Variants in MARCHF1 observed in about 807,000 individuals in gnomAD.
MARCHF1 encodes the protein membrane associated ring-CH-type finger 1.
MARCHF1 carries 40 observed loss-of-function variants against 54.2 expected under a neutral mutation model. The observed-to-expected ratio is 0.74, with a 90% confidence interval of 0.57 to 0.96. The LOEUF is 0.96. Ranked by LOEUF, MARCHF1 falls within the 40% of genes least tolerant of loss-of-function variation. MARCHF1 has a pLI of 0.00. For synonymous variants in MARCHF1, 236 were observed against 236.3 expected (o/e 1.00, Z 0.01); for missense variants, 586 against 656.5 (o/e 0.89, Z 1.17).
chr4:164,200,727 A>T (rs1214488925), intron 1 of MARCHF1, among the ~76,000 whole-genome samples: 1 of 152,354 alleles, frequency 6.6e-6, no homozygotes, highest in East Asian at 1.9e-4. Context: ...TATCCTAGTA[A>T]GAGTAAAGAA....
At chr4:163,669,806 C>T (rs938778630) in intron 5 of MARCHF1, among the ~76,000 whole-genome samples, 8 of 152,000 alleles carry the variant, frequency 5.3e-5, no homozygotes, top group African/African-American at 1.9e-4. Context: ...ACCATGTTAG[C>T]CAGGGTGATC....
chr4:163,787,383 A>T (rs1476754416), intron 4 of MARCHF1, among the ~76,000 whole-genome samples: 2 of 151,810 alleles, frequency 1.3e-5, no homozygotes, highest in Non-Finnish European at 2.9e-5. Context: ...TCAACAATAA[A>T]AAAAAAACCT....
At chr4:163,742,397 C>CCCTCCCTTCCTTCCTTCCTT (rs1312398916) in intron 4 of MARCHF1, among the ~76,000 whole-genome samples, 20 of 91,300 alleles carry the variant, frequency 2.2e-4, no homozygotes, top group African/African-American at 7.6e-4. Context: ...CTTCCTTCCT[C>CCCTCCCTTCCTTCCTTCCTT]CCTTCCTTCC....
intron 1 of MARCHF1, among the ~76,000 whole-genome samples, chr4:164,132,957 A>G (rs1756332423): frequency 6.6e-6 from 1 of 152,150 alleles, no homozygotes; most frequent in South Asian, 2.1e-4. Context: ...AACATCTTCA[A>G]GCTGGGTTAT....
chr4:164,175,054 T>C (rs1390946051), intron 1 of MARCHF1, among the ~76,000 whole-genome samples: 1 of 152,186 alleles, frequency 6.6e-6, no homozygotes, highest in Admixed American at 6.5e-5. Flanking sequence ...ACTGTAATTA[T>C]CCTAGTTCTA....
At chr4:163,988,452 G>A (rs976960213) in intron 3 of MARCHF1, 49 bp downstream of exon 3, 5 of 152,234 alleles carry the variant, frequency 3.3e-5, no homozygotes, top group African/African-American at 1.2e-4. Flanking sequence ...AGCAGTGTTG[G>A]CAACAGTGGC....
At chr4:164,031,140 T>C (rs971605216) in intron 2 of MARCHF1, among the ~76,000 whole-genome samples, 8 of 152,208 alleles carry the variant, frequency 5.3e-5, no homozygotes, top group Admixed American at 4.6e-4. Flanking sequence ...GGCATCCTTA[T>C]CGTGTGCCAG....
chr4:164,095,577 T>C (rs1755393822), intron 2 of MARCHF1, among the ~76,000 whole-genome samples: 1 of 152,118 alleles, frequency 6.6e-6, no homozygotes, highest in Non-Finnish European at 1.5e-5. Context: ...TTTGATACTA[T>C]AACATAATAC....
At chr4:164,029,967 C>G (rs1467958641) in intron 2 of MARCHF1, among the ~76,000 whole-genome samples, 1 of 152,148 alleles carries the variant, frequency 6.6e-6, no homozygotes, top group East Asian at 1.9e-4. Flanking sequence ...TTTGGGGATT[C>G]TATCATTCAT....
intron 5 of MARCHF1, among the ~76,000 whole-genome samples, chr4:163,617,203 C>T (rs79404739): frequency 0.042 from 6,449 of 152,090 alleles, 444 homozygotes; most frequent in African/African-American, 0.14. Flanking sequence ...AAATTGGGCT[C>T]ATGGGAGTAG....
At chr4:164,263,121 T>C (rs1487854297) in intron 1 of MARCHF1, among the ~76,000 whole-genome samples, 2 of 150,882 alleles carry the variant, frequency 1.3e-5, no homozygotes, top group African/African-American at 4.9e-5. Flanking sequence ...TTTTTCAAGG[T>C]ACATGTGTGT....
intron 1 of MARCHF1, among the ~76,000 whole-genome samples, chr4:164,146,533 T>C (rs2110888416): frequency 6.6e-6 from 1 of 152,302 alleles, no homozygotes; most frequent in South Asian, 2.1e-4. Context: ...TCTACAAGTA[T>C]CTGATCTTTG....
chr4:163,765,869 T>C (rs1746960999), intron 4 of MARCHF1, among the ~76,000 whole-genome samples: 1 of 147,872 alleles, frequency 6.8e-6, no homozygotes, highest in African/African-American at 2.5e-5. Flanking sequence ...TATACACACA[T>C]ATATATAATA....
At chr4:164,165,503 A>G (rs534633289) in intron 1 of MARCHF1, among the ~76,000 whole-genome samples, 1 of 151,792 alleles carries the variant, frequency 6.6e-6, no homozygotes, top group African/African-American at 2.4e-5. Context: ...TCACAATTCT[A>G]CCCTCCAAAA....
intron 1 of MARCHF1, among the ~76,000 whole-genome samples, chr4:164,184,986 T>A (rs764486318): frequency 1.9e-4 from 29 of 152,200 alleles, no homozygotes; most frequent in Non-Finnish European, 3.8e-4. Flanking sequence ...AGATGGTAAA[T>A]TTCATATTGT....
At chr4:164,152,020 T>A (rs981592703) in intron 1 of MARCHF1, among the ~76,000 whole-genome samples, 7 of 152,310 alleles carry the variant, frequency 4.6e-5, no homozygotes, top group African/African-American at 1.4e-4. Flanking sequence ...TAGTGCCTAC[T>A]GTTTGCCAAG....
rs144599666 is a variant in MARCHF1 at position 164,290,646 on chromosome 4, G to A, written c.-323+93224C>T. Among the ~76,000 whole-genome samples the A allele has an allele frequency of 1.3e-3, 197 of 151,962 alleles. 1 individual carries two copies. Among genetic ancestry groups the A allele is most frequent in the Non-Finnish European group, 2.2e-3 (148 of 67,864 alleles). On this transcript the variant is annotated intron_variant, in intron 1 of 9. Coordinates refer to ENST00000514618, the MANE Select transcript of MARCHF1 (RefSeq NM_001394959.1). Reference sequence around the variant, plus strand: ...ATTAAGTGGGAATTTCAATTATGTGGTTTAAAGATAAAATAAATGAATATT... The same window carrying A: ...ATTAAGTGGGAATTTCAATTATGTGATTTAAAGATAAAATAAATGAATATT...
At chr4:164,294,286 T>C (rs558445572) in intron 1 of MARCHF1, among the ~76,000 whole-genome samples, 131 of 152,308 alleles carry the variant, frequency 8.6e-4, no homozygotes, top group African/African-American at 2.8e-3. Flanking sequence ...CTTGTAATCA[T>C]GTGAGTCAAT....
chr4:164,381,736 A>T (rs573324852), intron 1 of MARCHF1, among the ~76,000 whole-genome samples: 12 of 152,300 alleles, frequency 7.9e-5, no homozygotes, highest in Admixed American at 3.3e-4. Context: ...AGTCTATTTC[A>T]AAAAGAGTTT....
Sources: gnomAD v4.1 joint callset for allele counts (sites outside exome capture counted in the v4.1 genomes callset) on GRCh38, gnomAD v4.1.1 for gene constraint, MANE v1.5 for transcripts, NCBI Gene and HGNC (gene_info 2026-07-23, HGNC 2026-07-21) for gene names.